The following FAM13C variants were observed in gnomAD, a reference collection of about 807,000 sequenced individuals.
FAM13C encodes the protein family with sequence similarity 13 member C.
A neutral mutation model predicts 73.2 loss-of-function variants in FAM13C; 37 were observed. That is an observed-to-expected ratio of 0.51 (90% CI 0.39 to 0.67). The LOEUF (loss-of-function observed/expected upper bound fraction) is 0.67, where lower values mean the gene tolerates loss of function less well. FAM13C is among the 30% of genes least tolerant of loss of function. The pLI is 0.00. For missense variants in FAM13C, 589 were observed against 715.6 expected, an observed-to-expected ratio of 0.82 and a Z score of 2.02; for synonymous variants, 246 against 260.9, an observed-to-expected ratio of 0.94 and a Z score of 0.55.
intron 11 of FAM13C, 58 bp from the exon 12 acceptor site, chr10:59,253,056 A>C: frequency 6.5e-7 from 1 of 1,541,276 alleles, no homozygotes; most frequent in Non-Finnish European, 9.0e-7. Context: ...CCTCTTGAGG[A>C]AACAAAAACA....
At chr10:59,344,947 T>G (rs186270242) in intron 3 of FAM13C, among the ~76,000 whole-genome samples, 1 of 152,300 alleles carries the variant, frequency 6.6e-6, no homozygotes, top group African/African-American at 2.4e-5. Flanking sequence ...TCTTCTTCTC[T>G]CTATGTGTCG....
intron 12 of FAM13C, among the ~76,000 whole-genome samples, chr10:59,252,018 G>T (rs572983084): frequency 6.6e-6 from 1 of 152,162 alleles, no homozygotes; most frequent in Non-Finnish European, 1.5e-5. Flanking sequence ...TTTGGTCATA[G>T]ACTGAACATA....
At chr10:59,306,805 C>T (rs561293355) in intron 4 of FAM13C, among the ~76,000 whole-genome samples, 23 of 152,266 alleles carry the variant, frequency 1.5e-4, no homozygotes, top group South Asian at 8.3e-4. Context: ...AACCGGGAGG[C>T]GGAGTTTGCA....
intron 5 of FAM13C, among the ~76,000 whole-genome samples, chr10:59,284,712 A>C: frequency 3.5e-5 from 5 of 141,658 alleles, no homozygotes; most frequent in Admixed American, 7.1e-5. Context: ...TCTCATCCCT[A>C]CTCCCCACAC....
At chr10:59,321,111 A>G (rs1439114324) in intron 4 of FAM13C, among the ~76,000 whole-genome samples, 1 of 152,194 alleles carries the variant, frequency 6.6e-6, no homozygotes, top group East Asian at 1.9e-4. Flanking sequence ...TGTCTTCATC[A>G]TTGTCGCTCC....
intron 7 of FAM13C, among the ~76,000 whole-genome samples, chr10:59,269,574 A>T (rs1220553297): frequency 2.0e-5 from 3 of 152,198 alleles, no homozygotes; most frequent in Non-Finnish European, 4.4e-5. Flanking sequence ...ACATGGAAAG[A>T]ATATTGAGTT....
At chr10:59,301,616 G>A (rs1307644120) in intron 5 of FAM13C, among the ~76,000 whole-genome samples, 1 of 152,180 alleles carries the variant, frequency 6.6e-6, no homozygotes, top group African/African-American at 2.4e-5. Flanking sequence ...CATTTTTCTA[G>A]TCACTTATGT....
In FAM13C at chr10:59,335,829, C is replaced by T. The variant is rs147345642; in HGVS notation, c.325-11723G>A. Among the ~76,000 whole-genome samples the T allele has an allele frequency of 7.4e-4, 113 of 152,282 alleles. No individual in the cohort carries two copies. In the East Asian group the frequency reaches 0.011, roughly 15 times the overall value. The stretch of plus-strand genomic sequence containing the variant: ...CCACTCTCTCATAGGACTCATTCTC[C>T]GTAATCTCACATACAGAGACTCAAT... On this transcript the variant is annotated intron_variant, in intron 3 of 13. Transcript: ENST00000618804.
Position 59,251,635 on chromosome 10 carries a change from T to C in FAM13C, c.1574A>G (p.Lys525Arg), listed in dbSNP as rs1235531876. Residue 525 changes from lysine to arginine, a missense_variant, in exon 13 of 14, where the codon AAG becomes AGG. Coordinates refer to ENST00000618804, the MANE Select transcript of FAM13C (RefSeq NM_198215.4). ...TCTTAAGGCTTTCCGCAGTCTCTTC[T>C]TGTCAGCCCTAGTTTCTCGGAGATG... The part of the protein sequence containing the change: ...LDHLRETRAD[K>R]KRLRKALREF... 8 of 1,613,366 alleles carry C rather than the reference T, an allele frequency of 5.0e-6. No individual in the cohort carries two copies. The highest frequency in any genetic ancestry group is 1.6e-4 in the Middle Eastern group (1 of 6,074).
chr10:59,271,784 G>A (rs1843743931), intron 6 of FAM13C, among the ~76,000 whole-genome samples: 2 of 152,182 alleles, frequency 1.3e-5, no homozygotes, highest in South Asian at 4.1e-4. Context: ...GAAGAAATGT[G>A]TTTTATTCAT....
chr10:59,254,973 T>C (rs1466786930), intron 10 of FAM13C, among the ~76,000 whole-genome samples: 1 of 152,180 alleles, frequency 6.6e-6, no homozygotes, highest in East Asian at 1.9e-4. Flanking sequence ...CGTCCAAGTT[T>C]AGCAATGTGA....
At chr10:59,342,659 T>C (rs1159232264) in intron 3 of FAM13C, among the ~76,000 whole-genome samples, 1 of 152,208 alleles carries the variant, frequency 6.6e-6, no homozygotes, top group Non-Finnish European at 1.5e-5. Context: ...CATCCCATAT[T>C]TTATCTGGCA....
chr10:59,251,386 A>T (rs1255724261), intron 13 of FAM13C, 189 bp downstream of exon 13: 2 of 591,734 alleles, frequency 3.4e-6, no homozygotes, highest in Non-Finnish European at 6.0e-6. Context: ...GACAGCTACC[A>T]TGTCCCATGA....
chr10:59,248,774 C>T (rs1230990998), intron 13 of FAM13C, among the ~76,000 whole-genome samples: 3 of 152,246 alleles, frequency 2.0e-5, no homozygotes, highest in East Asian at 3.9e-4. Context: ...ATTTCTATCT[C>T]TTACCAAATA....
At chr10:59,269,865 T>C (rs766918029) in intron 7 of FAM13C, 34 bp downstream of exon 7, 12 of 1,606,066 alleles carry the variant, frequency 7.5e-6, no homozygotes, top group Non-Finnish European at 9.4e-6. Context: ...AAAAACTGTA[T>C]GAAATGAAGA....
intron 4 of FAM13C, among the ~76,000 whole-genome samples, chr10:59,308,429 C>A (rs1284352191): frequency 6.6e-6 from 1 of 151,710 alleles, no homozygotes; most frequent in Non-Finnish European, 1.5e-5. Flanking sequence ...ATCACCTCCA[C>A]AATCACCATC....
At chr10:59,362,641 C>G, upstream of FAM13C, 1 of 1,387,854 alleles carries the variant, frequency 7.2e-7, no homozygotes, top group Non-Finnish European at 9.5e-7. Flanking sequence ...CACGGGCGAA[C>G]CACAAAGCCC....
intron 4 of FAM13C, among the ~76,000 whole-genome samples, chr10:59,303,860 G>A (rs79402869): frequency 1.3e-5 from 2 of 152,246 alleles, no homozygotes; most frequent in East Asian, 3.9e-4. Context: ...CTTTTAAAGT[G>A]TCTGTTCGGC....
At chr10:59,284,923 C>T (rs1356073646) in intron 5 of FAM13C, among the ~76,000 whole-genome samples, 1 of 152,020 alleles carries the variant, frequency 6.6e-6, no homozygotes, top group Non-Finnish European at 1.5e-5. Context: ...CACACCTCTC[C>T]TCACATAGAC....
Sources: gnomAD v4.1 joint callset for allele counts (sites outside exome capture counted in the v4.1 genomes callset) on GRCh38, gnomAD v4.1.1 for gene constraint, MANE v1.5 for transcripts, NCBI Gene and HGNC (gene_info 2026-07-23, HGNC 2026-07-21) for gene names.